Variants in AMPH observed in about 807,000 individuals in gnomAD.
AMPH encodes amphiphysin, also known as amphiphysin (Stiff-Mann syndrome with breast cancer 128kD autoantigen).
Under a neutral mutation model 99.1 loss-of-function variants are expected in AMPH, and 49 were observed. The ratio of observed to expected loss-of-function variants is 0.49; its 90% CI spans 0.39 to 0.63. The LOEUF (loss-of-function observed/expected upper bound fraction) is 0.63, where lower values mean the gene tolerates loss of function less well. Ranked by LOEUF, AMPH falls within the 20% of genes least tolerant of loss-of-function variation. AMPH has a pLI of 0.00. For missense variants in AMPH, 759 were observed against 863.4 expected, an observed-to-expected ratio of 0.88 and a Z score of 1.52; for synonymous variants, 314 against 317.3, an observed-to-expected ratio of 0.99 and a Z score of 0.11.
chr7:38,526,018 AG>A (rs954827215), intron 2 of AMPH, among the ~76,000 whole-genome samples: 2 of 152,206 alleles, frequency 1.3e-5, no homozygotes, highest in African/African-American at 4.8e-5. Context: ...TTTAAGAAAT[AG>A]CCAAACTGTT....
intron 1 of AMPH, among the ~76,000 whole-genome samples, chr7:38,615,650 T>G (rs1486966029): frequency 6.6e-6 from 1 of 152,182 alleles, no homozygotes; most frequent in African/African-American, 2.4e-5. Context: ...ACAGTCCTTA[T>G]GCCCCACTGA....
At chr7:38,489,227 G>T (rs898121719) in intron 5 of AMPH, among the ~76,000 whole-genome samples, 1 of 152,112 alleles carries the variant, frequency 6.6e-6, no homozygotes, top group Non-Finnish European at 1.5e-5. Flanking sequence ...AGGGTGCCAA[G>T]AATACAGAAC....
At chr7:38,507,914 G>A (rs1488972563) in intron 2 of AMPH, among the ~76,000 whole-genome samples, 3 of 152,260 alleles carry the variant, frequency 2.0e-5, no homozygotes, top group East Asian at 3.9e-4. Flanking sequence ...AAGGTGCAAC[G>A]GGTGTGGGAA....
chr7:38,564,500 C>A (rs1225535240), intron 1 of AMPH, among the ~76,000 whole-genome samples: 1 of 152,192 alleles, frequency 6.6e-6, no homozygotes, highest in Non-Finnish European at 1.5e-5. Context: ...AGCATGTGGA[C>A]CTGGGGACCA....
intron 1 of AMPH, among the ~76,000 whole-genome samples, chr7:38,572,943 C>G (rs1298667220): frequency 6.6e-6 from 1 of 152,156 alleles, no homozygotes; most frequent in Non-Finnish European, 1.5e-5. Flanking sequence ...ATATCAGCAT[C>G]CCCAACAGCA....
At chr7:38,479,015 T>C (rs1056445934) in intron 5 of AMPH, among the ~76,000 whole-genome samples, 3 of 151,986 alleles carry the variant, frequency 2.0e-5, no homozygotes, top group Middle Eastern at 3.4e-3. Context: ...ATAATTGAGG[T>C]CTCAAAAAGA....
chr7:38,566,796 C>T (rs182642652), intron 1 of AMPH, among the ~76,000 whole-genome samples: 13 of 152,352 alleles, frequency 8.5e-5, no homozygotes, highest in Non-Finnish European at 1.6e-4. Context: ...AAATGCTCAT[C>T]ATCACTGACC....
intron 9 of AMPH, among the ~76,000 whole-genome samples, chr7:38,465,042 T>G (rs1358182179): frequency 6.6e-6 from 1 of 152,190 alleles, no homozygotes; most frequent in Non-Finnish European, 1.5e-5. Flanking sequence ...CCTCTTTCCT[T>G]TCCCAAAATG....
chr7:38,437,091 A>G (rs1017559127), intron 11 of AMPH, among the ~76,000 whole-genome samples: 2 of 152,320 alleles, frequency 1.3e-5, no homozygotes, highest in Non-Finnish European at 2.9e-5. Context: ...CAAATAAGAC[A>G]CAGGACGAAA....
rs75877087 is a variant in AMPH at position 38,438,344 on chromosome 7, G to A, written c.1018-1956C>T. On this transcript the variant is annotated intron_variant, in intron 11 of 20. Transcript: ENST00000356264. The stretch of plus-strand genomic sequence containing the variant: ...GAGATGGCAGCAATTCTCCATTTGG[G>A]AGAATGAAGAGAATTGGCTGAATGG... Among the ~76,000 whole-genome samples, 68 of 152,274 alleles carry A rather than the reference G, an allele frequency of 4.5e-4. 1 individual carries two copies. The East Asian group carries it at 0.013, about 28-fold the overall frequency.
intron 15 of AMPH, 124 bp from the exon 16 acceptor site, chr7:38,422,601 T>TCTAC (rs1785626742): frequency 1.6e-6 from 1 of 642,996 alleles, no homozygotes; most frequent in Admixed American, 3.1e-5. Flanking sequence ...TATCTATCTA[T>TCTAC]CCATCTATCT....
chr7:38,491,975 T>C lies in AMPH; in HGVS notation c.301-830A>G, dbSNP rs531969270. 2.0e-5 allele frequency among the ~76,000 whole-genome samples: 3 copies of C among 152,292 alleles called. No individual in the cohort carries two copies. In the East Asian group the frequency reaches 5.8e-4, roughly 29 times the overall value. ...ATTTCAATTCCCCCAGTTATATGAG[T>C]TGGCAATGTAAAGTGCTTCACAGAA... On this transcript the variant is annotated intron_variant, in intron 4 of 20. Coordinates refer to ENST00000356264, the MANE Select transcript of AMPH (RefSeq NM_001635.4).
chr7:38,604,158 T>A (rs1375517068), intron 1 of AMPH, among the ~76,000 whole-genome samples: 3 of 152,224 alleles, frequency 2.0e-5, no homozygotes, highest in African/African-American at 7.2e-5. Flanking sequence ...CTGGGGAAGA[T>A]GAGTGGTCCT....
chr7:38,592,707 G>C (rs1792900677), intron 1 of AMPH, among the ~76,000 whole-genome samples: 1 of 150,904 alleles, frequency 6.6e-6, no homozygotes, highest in African/African-American at 2.4e-5. Context: ...CTCCAGCCTG[G>C]GAGACAGAGC....
At chr7:38,392,749 G>C (rs1784547054) in intron 18 of AMPH, 1 of 152,578 alleles carries the variant, frequency 6.6e-6, no homozygotes, top group Non-Finnish European at 1.5e-5. Flanking sequence ...TTCACCTCCT[G>C]TGAGCCCCTT....
Position 38,426,993 on chromosome 7 carries a change from A to G in AMPH, c.1183-7T>C, listed in dbSNP as rs1785803097. 1 of 1,611,912 alleles carries G rather than the reference A, an allele frequency of 6.2e-7. No individual in the cohort carries two copies. The highest frequency in any genetic ancestry group is 1.3e-5 in the African/African-American group (1 of 75,018). ...TAAATGAACCACCAGAAGCCTAAAC[A>G]GAAACGAAAATCAGATTGTGTTATT... is the stretch of plus-strand genomic sequence containing the variant. On this transcript the variant is annotated splice_region_variant and splice_polypyrimidine_tract_variant and intron_variant, in intron 14 of 20. Coordinates refer to ENST00000356264, the MANE Select transcript of AMPH (RefSeq NM_001635.4).
intron 11 of AMPH, among the ~76,000 whole-genome samples, chr7:38,450,676 G>C (rs1456991436): frequency 2.0e-5 from 3 of 152,148 alleles, no homozygotes; most frequent in African/African-American, 7.2e-5. Context: ...TGGTGAGACT[G>C]TTCTTTTTGG....
rs768102359 is a variant in AMPH at position 38,494,484 on chromosome 7, T to C, written c.249A>G (p.Glu83=). ...ASMKLTESLH[E]VYEPDWYGRE... is the part of the protein sequence containing the mutation. ...GCCCATACCAGTCAGGCTCATAGAC[T>C]TCATGCAGCGACTCTGTGAGCTTCA... Residue 83 remains glutamate (E), a synonymous_variant, in exon 4 of 21, where the codon GAA becomes GAG. Coordinates refer to ENST00000356264, the MANE Select transcript of AMPH (RefSeq NM_001635.4). 8 of 1,613,988 alleles carry C rather than the reference T, an allele frequency of 5.0e-6. No homozygotes were observed. The highest frequency in any genetic ancestry group is 6.8e-6 in the Non-Finnish European group (8 of 1,179,910).
At chr7:38,612,073 T>C (rs1233653451) in intron 1 of AMPH, among the ~76,000 whole-genome samples, 2 of 145,482 alleles carry the variant, frequency 1.4e-5, no homozygotes, top group East Asian at 1.9e-4. Context: ...CTAAGACTGA[T>C]TTTTTGTCTT....
Sources: gnomAD v4.1 joint callset for allele counts (sites outside exome capture counted in the v4.1 genomes callset) on GRCh38, gnomAD v4.1.1 for gene constraint, MANE v1.5 for transcripts, NCBI Gene and HGNC (gene_info 2026-07-23, HGNC 2026-07-21) for gene names.